Variants in WDHD1 observed in about 807,000 individuals in gnomAD.
WDHD1 encodes WD repeat and HMG-box DNA binding protein 1, also known as WD repeat and HMG-box DNA-binding protein 1.
WDHD1 carries 111 observed loss-of-function variants against 135.4 expected under a neutral mutation model. The observed-to-expected ratio is 0.82, with a 90% confidence interval of 0.70 to 0.96. The LOEUF (loss-of-function observed/expected upper bound fraction) is 0.96, where lower values mean the gene tolerates loss of function less well. Among genes scored for constraint, WDHD1 ranks in the 40% least tolerant of loss-of-function variants. The pLI is 0.00. For synonymous variants in WDHD1, 434 were observed against 439.0 expected (o/e 0.99, Z 0.14); for missense variants, 1,351 against 1,336.3 (o/e 1.01, Z -0.17).
intron 16 of WDHD1, among the ~76,000 whole-genome samples, chr14:54,977,089 T>G (rs2041537692): frequency 6.6e-6 from 1 of 151,478 alleles, no homozygotes; most frequent in Non-Finnish European, 1.5e-5. Context: ...ATAAGGTTGT[T>G]TTTTTTTTGC....
intron 3 of WDHD1, among the ~76,000 whole-genome samples, chr14:55,011,078 G>T (rs1328175471): frequency 1.3e-5 from 2 of 152,208 alleles, no homozygotes; most frequent in Non-Finnish European, 2.9e-5. Flanking sequence ...TCTGAACTGT[G>T]AGATAATTTT....
At chr14:54,996,144 A>C (rs548722939) in intron 10 of WDHD1, among the ~76,000 whole-genome samples, 1 of 152,298 alleles carries the variant, frequency 6.6e-6, no homozygotes, top group East Asian at 1.9e-4. Context: ...TAATATGATA[A>C]AGTCCCTATA....
In WDHD1 at chr14:54,991,358, T is replaced by C. The variant is rs749779210; in HGVS notation, c.1196A>G (p.Glu399Gly). The C allele has an allele frequency of 7.4e-6, 12 of 1,614,212 alleles. No homozygotes were observed. Among genetic ancestry groups the C allele is most frequent in the Non-Finnish European group, 1.0e-5 (12 of 1,180,030 alleles). ...GCTGCCTTCTTGACCATCTTCCTCC[T>C]CCTCTTTGAGAAGACTAGAACCAGT... ...LKTGSSLLKE[E>G]EEDGQEGSIH... Residue 399 changes from glutamate to glycine, a missense_variant, in exon 12 of 26, where the codon GAG (glutamate) becomes GGG (glycine). By Grantham distance (98) the Glu-to-Gly change is moderately conservative (BLOSUM62 -2). Coordinates refer to ENST00000360586, the MANE Select transcript of WDHD1 (RefSeq NM_007086.4).
chr14:54,974,744 T>G (rs577235238), intron 16 of WDHD1, among the ~76,000 whole-genome samples: 1 of 152,214 alleles, frequency 6.6e-6, no homozygotes, highest in Admixed American at 6.5e-5. Context: ...TAAGAATCAC[T>G]TGAACCCGGA....
At chr14:55,005,588 A>G (rs138075418) in intron 7 of WDHD1, 1 of 601,456 alleles carries the variant, frequency 1.7e-6, no homozygotes, top group Non-Finnish European at 3.2e-6. Context: ...GTACTGTCCC[A>G]TCTGGAAGAC....
chr14:54,957,643 A>G lies in WDHD1; in HGVS notation c.2702-8T>C, dbSNP rs771802871. On this transcript the variant is annotated splice_polypyrimidine_tract_variant and splice_region_variant and intron_variant, in intron 21 of 25. Transcript: ENST00000360586. The stretch of plus-strand genomic sequence containing the variant: ...TGCTAAAGGTAACTGCACCTTTCAC[A>G]AAAAAGAAACCCTTGCTTAATAATG... 6.2e-7 allele frequency: 1 copy of G among 1,603,940 alleles called. No individual in the cohort carries two copies. Among genetic ancestry groups the G allele is most frequent in the Admixed American group, 1.7e-5 (1 of 57,194 alleles).
intron 25 of WDHD1, among the ~76,000 whole-genome samples, chr14:54,943,803 A>C (rs2040875779): frequency 6.6e-6 from 1 of 152,104 alleles, no homozygotes; most frequent in Admixed American, 6.6e-5. Context: ...CAAAAAATTA[A>C]CCATCCAGCC....
intron 14 of WDHD1, 39 bp downstream of exon 14, chr14:54,987,107 C>T (rs2041706066): frequency 1.3e-6 from 2 of 1,599,044 alleles, no homozygotes; most frequent in South Asian, 2.3e-5. Flanking sequence ...AAGTAATTTC[C>T]ATTTTACTTC....
chr14:55,015,262 C>G (rs2042239952), intron 2 of WDHD1, among the ~76,000 whole-genome samples: 1 of 151,596 alleles, frequency 6.6e-6, no homozygotes, highest in South Asian at 2.1e-4. Flanking sequence ...CTGTGCACAC[C>G]TGTAATCCCA....
At chr14:54,964,443 A>G (rs2041308143) in intron 18 of WDHD1, among the ~76,000 whole-genome samples, 1 of 152,154 alleles carries the variant, frequency 6.6e-6, no homozygotes, top group South Asian at 2.1e-4. Flanking sequence ...GATCGAGACC[A>G]TACTGGCTAA....
At chr14:54,976,104 G>T (rs574951075) in intron 16 of WDHD1, among the ~76,000 whole-genome samples, 1 of 152,134 alleles carries the variant, frequency 6.6e-6, no homozygotes, top group Non-Finnish European at 1.5e-5. Flanking sequence ...AGTGTCACTC[G>T]AGAGCTCGAG....
chr14:55,016,058 G>A (rs900930484), intron 2 of WDHD1, among the ~76,000 whole-genome samples: 5 of 152,234 alleles, frequency 3.3e-5, no homozygotes, highest in African/African-American at 4.8e-5. Context: ...AGTTACAGGT[G>A]CCAGTTGGTG....
intron 25 of WDHD1, among the ~76,000 whole-genome samples, chr14:54,943,632 A>T (rs933002485): frequency 2.0e-5 from 3 of 152,168 alleles, no homozygotes; most frequent in Non-Finnish European, 2.9e-5. Context: ...TCCTGGGCTC[A>T]AGAGATCCTC....
intron 11 of WDHD1, among the ~76,000 whole-genome samples, chr14:54,992,624 A>C (rs1281835488): frequency 6.6e-6 from 1 of 152,228 alleles, no homozygotes; most frequent in African/African-American, 2.4e-5. Context: ...ACTAGCAGAT[A>C]TAATTTACAG....
At chr14:54,996,696 C>T (rs2041885023) in intron 10 of WDHD1, among the ~76,000 whole-genome samples, 1 of 151,364 alleles carries the variant, frequency 6.6e-6, no homozygotes, top group Admixed American at 6.6e-5. Context: ...ATAAAAACTA[C>T]AAATGTTAAG....
At chr14:54,976,368 T>G (rs919303810) in intron 16 of WDHD1, among the ~76,000 whole-genome samples, 1 of 152,084 alleles carries the variant, frequency 6.6e-6, no homozygotes, top group African/African-American at 2.4e-5. Context: ...ACTACAGGCA[T>G]GTACCACCAT....
Position 54,962,746 on chromosome 14 carries a change from T to A in WDHD1, c.2639A>T (p.His880Leu). Residue 880 changes from histidine (H) to leucine (L), a missense_variant, in exon 20 of 26, where the codon CAT becomes CTT. Physicochemically the swap from His to Leu is moderately conservative, Grantham distance 99. Around this residue, in one of 2 missense-constraint regions of WDHD1, gnomAD observed 1,330 missense variants for 1,296.1 expected, o/e 1.03. Coordinates refer to ENST00000360586, the MANE Select transcript of WDHD1 (RefSeq NM_007086.4). ...TTGAAAATGTATCTCACCAGGCTTA[T>A]GTATTTCTGGTTTTTCTTCATCATC... The part of the protein sequence containing the change: ...EADDEEKPEI[H>L]KPGQNSFSKS... 1.2e-6 allele frequency: 2 copies of A among 1,613,646 alleles called. No individual in the cohort carries two copies. The highest frequency in any genetic ancestry group is 1.7e-6 in the Non-Finnish European group (2 of 1,179,670).
intron 2 of WDHD1, among the ~76,000 whole-genome samples, chr14:55,013,911 A>C (rs1299278618): frequency 6.7e-6 from 1 of 149,628 alleles, no homozygotes; most frequent in Non-Finnish European, 1.5e-5. Flanking sequence ...TATCTCAAGG[A>C]AAAAAAAAAG....
In WDHD1 at chr14:54,991,349, T is replaced by C. The variant is rs2041784366; in HGVS notation, c.1205A>G (p.Asp402Gly). The C allele has an allele frequency of 6.2e-7, 1 of 1,614,196 alleles. No individual in the cohort carries two copies. The highest frequency in any genetic ancestry group is 1.1e-5 in the South Asian group (1 of 91,084). ...ATTGTGAATGCTGCCTTCTTGACCA[T>C]CTTCCTCCTCCTCTTTGAGAAGACT... ...GSSLLKEEEE[D>G]GQEGSIHNLP... The change falls in exon 12 of 26, where the codon GAT (aspartate) becomes GGT (glycine). Residue 402 changes from aspartate to glycine, a missense_variant. Asp to Gly is a moderately conservative substitution (Grantham distance 94). Transcript: ENST00000360586.
Sources: allele counts gnomAD v4.1 joint callset (sites outside exome capture counted in the v4.1 genomes callset), GRCh38; gene constraint gnomAD v4.1.1; regional missense constraint gnomAD v4.1.1; transcripts MANE v1.5; gene names NCBI Gene and HGNC (gene_info 2026-07-23, HGNC 2026-07-21).